Variants in PAX8 observed in about 807,000 individuals in gnomAD.
PAX8 encodes paired box 8, also known as paired box protein Pax-8.
A neutral mutation model predicts 52.4 loss-of-function variants in PAX8; 15 were observed. The observed-to-expected ratio is 0.29, with a 90% CI of 0.19 to 0.44. The LOEUF (loss-of-function observed/expected upper bound fraction) is 0.44, where lower values mean the gene tolerates loss of function less well. PAX8 is among the 20% of genes least tolerant of loss of function. The pLI is 1.00. For missense variants in PAX8, 554 were observed against 602.5 expected (o/e 0.92, Z 0.84); for synonymous variants, 284 against 249.7 (o/e 1.14, Z -1.29).
chr2:113,233,670 T>G (rs1452043310), intron 9 of PAX8, among the ~76,000 whole-genome samples: 1 of 138,458 alleles, frequency 7.2e-6, no homozygotes, highest in Non-Finnish European at 1.5e-5. Flanking sequence ...AGAGTGAGAT[T>G]CCATCTCAAA....
At chr2:113,275,712 T>C (rs1257826921) in intron 2 of PAX8, 1 of 152,234 alleles carries the variant, frequency 6.6e-6, no homozygotes, top group African/African-American at 2.4e-5. Context: ...TTATCGTTTC[T>C]TCTGCATCTT....
chr2:113,236,839 C>CT, intron 7 of PAX8, 118 bp from the exon 8 acceptor site: 1 of 1,219,000 alleles, frequency 8.2e-7, no homozygotes, highest in Non-Finnish European at 1.1e-6. Context: ...AGGTCCTCAT[C>CT]GCCCCCTTCT....
chr2:113,229,071 G>A (rs984808614), intron 9 of PAX8, among the ~76,000 whole-genome samples: 6 of 152,144 alleles, frequency 3.9e-5, no homozygotes, highest in African/African-American at 1.4e-4. Flanking sequence ...AATCAAGAAG[G>A]GACATAGGCT....
intron 2 of PAX8, among the ~76,000 whole-genome samples, chr2:113,256,859 T>C (rs1201253460): frequency 2.6e-5 from 4 of 152,106 alleles, no homozygotes; most frequent in African/African-American, 4.8e-5. Context: ...TCTTTCCTTC[T>C]AAGTGTGCCA....
chr2:113,260,047 G>A (rs149347412), intron 2 of PAX8, among the ~76,000 whole-genome samples: 1,572 of 152,206 alleles, frequency 0.01, 30 homozygotes, highest in African/African-American at 0.036. Context: ...TTTTTTTAAT[G>A]GGTTTATATT....
At chr2:113,220,425 A>G in intron 10 of PAX8, 1 of 474,300 alleles carries the variant, frequency 2.1e-6, no homozygotes, top group Non-Finnish European at 3.8e-6. Context: ...GACATACTAC[A>G]GCCCTCCCAG....
At chr2:113,249,655 C>T (rs986603448) in intron 2 of PAX8, among the ~76,000 whole-genome samples, 1 of 152,090 alleles carries the variant, frequency 6.6e-6, no homozygotes, top group Admixed American at 6.5e-5. Flanking sequence ...AGGACTGACT[C>T]GCATCCTTAG....
At position 113,252,142 on chromosome 2, in the gene PAX8, C is replaced by G. The variant is rs577649026; in HGVS notation, c.26-5223G>C. 1.6e-4 allele frequency among the ~76,000 whole-genome samples: 24 copies of G among 152,336 alleles called. No homozygotes were observed. The East Asian group carries it at 3.9e-3, about 24-fold the overall frequency. On this transcript the variant is annotated intron_variant, in intron 2 of 11. Coordinates refer to ENST00000429538, the MANE Select transcript of PAX8 (RefSeq NM_003466.4). ...ATGTGGTGTTCTGCAAAAATTTCCACTTAACTATCTGGGGCTTTTTGCTTT... is the reference window on the plus strand; with the variant it reads ...ATGTGGTGTTCTGCAAAAATTTCCAGTTAACTATCTGGGGCTTTTTGCTTT...
At chr2:113,244,959 T>C (rs2104499954) in intron 3 of PAX8, among the ~76,000 whole-genome samples, 1 of 152,248 alleles carries the variant, frequency 6.6e-6, no homozygotes, top group Middle Eastern at 3.4e-3. Flanking sequence ...AAGGAAATCT[T>C]GGTGTGCCTG....
chr2:113,271,334 C>T (rs757797059), intron 2 of PAX8: 2 of 152,260 alleles, frequency 1.3e-5, no homozygotes, highest in African/African-American at 2.4e-5. Flanking sequence ...CCCCAGGGTC[C>T]TTCAACTTGT....
At chr2:113,231,981 G>A (rs7572615) in intron 9 of PAX8, among the ~76,000 whole-genome samples, 26,346 of 152,134 alleles carry the variant, frequency 0.17, 2,478 homozygotes, top group South Asian at 0.26. Flanking sequence ...ACCCACCTTG[G>A]CCTCCCAAAG....
intron 3 of PAX8, among the ~76,000 whole-genome samples, chr2:113,245,045 G>GTTT (rs11460401): frequency 5.9e-5 from 8 of 135,698 alleles, no homozygotes; most frequent in Admixed American, 7.4e-5. Context: ...GGTTTTTTTT[G>GTTT]TTTTTTTTTT....
At position 113,217,078 on chromosome 2, in the gene PAX8, TG is replaced by T. The variant is rs1220560700; in HGVS notation, c.*1454del. The T allele has an allele frequency of 8.7e-6, 2 of 230,478 alleles. No homozygotes were observed. The highest frequency in any genetic ancestry group is 1.7e-5 in the Non-Finnish European group (2 of 116,330). 14.3% of individuals were successfully genotyped at this position (230,478 alleles called of 1,614,324 possible). ...CCACCCTGCTGATTCTCTGGCTTCC[TG>T]TTAATAACAACAGCAACTCCTTGTG... is the stretch of plus-strand genomic sequence containing the variant. On this transcript the variant is annotated 3_prime_UTR_variant, in exon 12 of 12. Transcript: ENST00000429538.
Position 113,241,685 on chromosome 2 carries a change from T to A in PAX8, c.643A>T (p.Ser215Cys). 3 of 1,614,194 alleles carry A rather than the reference T, an allele frequency of 1.9e-6. No homozygotes were observed. Among genetic ancestry groups the A allele is most frequent in the Non-Finnish European group, 1.7e-6 (2 of 1,180,030 alleles). The change falls in exon 7 of 12, where the codon AGC becomes TGC. Residue 215 changes from serine (S) to cysteine (C), a missense_variant. Ser to Cys is a moderately radical substitution (Grantham distance 112). Coordinates refer to ENST00000429538, the MANE Select transcript of PAX8 (RefSeq NM_003466.4). ...AGGTGCTTTCGGGGTCCGCTGCTGC[T>A]GCTCTGTGAGTCAATGCTTAGTCGG... ...SCRLSIDSQSSSSGPRKHLRT... is the reference protein window; with the variant it reads ...SCRLSIDSQSCSSGPRKHLRT...
intron 9 of PAX8, among the ~76,000 whole-genome samples, chr2:113,232,716 G>T (rs1309490791): frequency 1.3e-5 from 2 of 152,328 alleles, no homozygotes; most frequent in East Asian, 3.9e-4. Flanking sequence ...AGGGGACAAA[G>T]TGTAGGGGCT....
intron 10 of PAX8, chr2:113,226,794 A>C (rs1402697849): frequency 3.5e-5 from 42 of 1,215,436 alleles, no homozygotes; most frequent in Non-Finnish European, 4.0e-5. Flanking sequence ...TTCATCTTCC[A>C]CTCACAGTGT....
intron 3 of PAX8, 112 bp from the exon 4 acceptor site, chr2:113,244,736 G>T: frequency 1.0e-6 from 1 of 958,608 alleles, no homozygotes; most frequent in Non-Finnish European, 1.7e-6. Context: ...GGGTATGAGA[G>T]TGAAATGTGC....
chr2:113,233,464 G>A (rs908401616), intron 9 of PAX8, among the ~76,000 whole-genome samples: 2 of 152,088 alleles, frequency 1.3e-5, no homozygotes, highest in Admixed American at 1.3e-4. Flanking sequence ...GGCGGACCAA[G>A]GTCAGGAGAT....
At chr2:113,250,532 T>C (rs781582647) in intron 2 of PAX8, among the ~76,000 whole-genome samples, 2 of 152,178 alleles carry the variant, frequency 1.3e-5, no homozygotes, top group Non-Finnish European at 2.9e-5. Flanking sequence ...GGTCTGGGAT[T>C]GAACTAAGAA....
Sources: gnomAD v4.1 joint callset for allele counts (sites outside exome capture counted in the v4.1 genomes callset) on GRCh38, gnomAD v4.1.1 for gene constraint, MANE v1.5 for transcripts, NCBI Gene and HGNC (gene_info 2026-07-23, HGNC 2026-07-21) for gene names.